The following KIF13A variants were observed in gnomAD, a reference collection of about 807,000 sequenced individuals.
KIF13A encodes the protein kinesin family member 13A.
Under a neutral mutation model 212.2 loss-of-function variants are expected in KIF13A, and 79 were observed. The observed-to-expected ratio is 0.37, with a 90% CI of 0.31 to 0.45. The LOEUF is 0.45. Among genes scored for constraint, KIF13A ranks in the 20% least tolerant of loss-of-function variants. The pLI, the probability that KIF13A is intolerant of heterozygous loss-of-function variation, is 1.00. For synonymous variants in KIF13A, 789 were observed against 808.6 expected (o/e 0.98, Z 0.41); for missense variants, 1,901 against 2,209.0 (o/e 0.86, Z 2.79).
intron 2 of KIF13A, among the ~76,000 whole-genome samples, chr6:17,944,148 A>G (rs1434100168): frequency 6.6e-6 from 1 of 152,194 alleles, no homozygotes; most frequent in Non-Finnish European, 1.5e-5. Context: ...CTGACATGTG[A>G]GCCTTACCGC....
In KIF13A at chr6:17,799,522, C is replaced by T. The variant is rs991713913; in HGVS notation, c.2617-83G>A. Reference sequence around the variant, plus strand: ...CAGCTACCTCAAATTTAAGAGTAAGCGATGAAACAAATTGGTCATCCATTT... The same window carrying T: ...CAGCTACCTCAAATTTAAGAGTAAGTGATGAAACAAATTGGTCATCCATTT... On this transcript the variant is annotated intron_variant, in intron 21 of 38. Coordinates refer to ENST00000259711, the MANE Select transcript of KIF13A (RefSeq NM_022113.6). The surrounding 1 kb of genome is among the most constrained non-coding windows in gnomAD (Gnocchi z 4.4). 10 of 1,163,364 alleles carry T rather than the reference C, an allele frequency of 8.6e-6. No homozygotes were observed. The East Asian group carries it at 1.0e-4, about 12-fold the overall frequency. The allele number at this position is 1,163,364 out of a possible 1,614,324, so 72.1% of individuals were successfully genotyped here.
rs1184545081 is a variant in KIF13A at position 17,883,830 on chromosome 6, T to A, written c.160-10393A>T. ...TGCTTGTGAGGCTGAGGTGGGAGGA[T>A]CACTTGAGCCTGGGAGTTTGAGGCT... On this transcript the variant is annotated intron_variant, in intron 3 of 38. Transcript: ENST00000259711. The surrounding 1 kb of genome is among the most constrained non-coding windows in gnomAD (Gnocchi z 4.8). Among the ~76,000 whole-genome samples the A allele has an allele frequency of 6.6e-6, 1 of 151,826 alleles. No individual in the cohort carries two copies. The highest frequency in any genetic ancestry group is 1.5e-5 in the Non-Finnish European group (1 of 67,956).
chr6:17,829,543 A>AT lies in KIF13A; in HGVS notation c.1402-1174dup, dbSNP rs761299691. ...AACACACTGCACCTGGCCTCATGTG[A>AT]TTTTAAGTACCTGAACCTCAGACAT... On this transcript the variant is annotated intron_variant, in intron 13 of 38. Coordinates refer to ENST00000259711, the MANE Select transcript of KIF13A (RefSeq NM_022113.6). This position sits in a 1 kb window ranked among gnomAD's most constrained non-coding sequence, Gnocchi z 5.4. 1.1e-4 allele frequency among the ~76,000 whole-genome samples: 17 copies of AT among 151,846 alleles called. No individual in the cohort carries two copies. The highest frequency in any genetic ancestry group is 1.3e-4 in the Non-Finnish European group (9 of 68,026).
At chr6:17,797,197 T>G (rs529487896) in intron 22 of KIF13A, among the ~76,000 whole-genome samples, 9 of 151,952 alleles carry the variant, frequency 5.9e-5, no homozygotes, top group Non-Finnish European at 1.2e-4. Context: ...GCCCGGCTAT[T>G]TTTTTGTATT....
At chr6:17,945,428 C>T (rs1252264164) in intron 2 of KIF13A, among the ~76,000 whole-genome samples, 4 of 151,660 alleles carry the variant, frequency 2.6e-5, no homozygotes, top group African/African-American at 9.7e-5. Flanking sequence ...GATCTAGGTC[C>T]GGAGTTTAAC....
rs969339057 is a variant in KIF13A, at chr6:17,961,888, T to C, written c.146+25166A>G. Among the ~76,000 whole-genome samples the C allele has an allele frequency of 6.6e-6, 1 of 152,196 alleles. No homozygotes were observed. Among genetic ancestry groups the C allele is most frequent in the African/African-American group, 2.4e-5 (1 of 41,454 alleles). On this transcript the variant is annotated intron_variant, in intron 2 of 38. Transcript: ENST00000259711. This position sits in a 1 kb window ranked among gnomAD's most constrained non-coding sequence, Gnocchi z 4.1. Reference sequence around the variant, plus strand: ...GTGCTTAGTGTTTGGTTGGCAACATTGTCTATTTTCCACATCTTAAAATTT... The same window carrying C: ...GTGCTTAGTGTTTGGTTGGCAACATCGTCTATTTTCCACATCTTAAAATTT...
Position 17,789,802 on chromosome 6 carries a change from C to G in KIF13A, c.3261+70G>C. The G allele has an allele frequency of 1.5e-6, 2 of 1,372,448 alleles. No homozygotes were observed. The highest frequency in any genetic ancestry group is 2.1e-6 in the Non-Finnish European group (2 of 967,948). 85.0% of individuals were successfully genotyped at this position (1,372,448 alleles called of 1,614,324 possible). On this transcript the variant is annotated intron_variant, in intron 26 of 38. Coordinates refer to ENST00000259711, the MANE Select transcript of KIF13A (RefSeq NM_022113.6). This position sits in a 1 kb window ranked among gnomAD's most constrained non-coding sequence, Gnocchi z 4.8. The stretch of plus-strand genomic sequence containing the variant: ...GGCCCTCCTTCCTCCTCCCTGGCCT[C>G]TGCTTTGCGAATGCTGGCAATTAGC...
At chr6:17,978,486 C>T (rs1035852909) in intron 2 of KIF13A, among the ~76,000 whole-genome samples, 1 of 152,170 alleles carries the variant, frequency 6.6e-6, no homozygotes, top group Non-Finnish European at 1.5e-5. Flanking sequence ...TTGTTGATAG[C>T]TCTGACATTA....
chr6:17,955,259 T>C (rs992197610), intron 2 of KIF13A, among the ~76,000 whole-genome samples: 49 of 152,224 alleles, frequency 3.2e-4, no homozygotes, highest in African/African-American at 1.1e-3. Flanking sequence ...ATCCTTCTAT[T>C]AGTAGCGAAG....
In KIF13A at chr6:17,808,902, T is replaced by C. The variant is rs1282088227; in HGVS notation, c.2029A>G (p.Lys677Glu). ...RDELFRQSLAKLREQLVKANT... is the reference protein window; with the variant it reads ...RDELFRQSLAELREQLVKANT... ...GCTTTAACCAGCTGCTCTCGCAGTT[T>C]TGCCAGGCTTTGTCGGAAGAGTTCA... Residue 677 changes from lysine to glutamate, a missense_variant, in exon 18 of 39, where the codon AAA (lysine) becomes GAA (glutamate). Around this residue, in one of 5 missense-constraint regions of KIF13A, gnomAD observed 534 missense variants for 536.9 expected, o/e 0.99. Transcript: ENST00000259711. 1 of 1,612,832 alleles carries C rather than the reference T, an allele frequency of 6.2e-7. No homozygotes were observed. The highest frequency in any genetic ancestry group is 2.2e-5 in the East Asian group (1 of 44,842).
intron 2 of KIF13A, 129 bp downstream of exon 2, chr6:17,986,925 C>G: frequency 1.6e-6 from 1 of 628,640 alleles, no homozygotes; most frequent in Admixed American, 2.5e-5. Context: ...CAGCTTCAAA[C>G]AGGAGCCGGC....
intron 3 of KIF13A, chr6:17,881,709 A>T (rs1771084020): frequency 3.0e-6 from 1 of 329,684 alleles, no homozygotes; most frequent in Middle Eastern, 1.1e-3. Context: ...AAAAAGCAGC[A>T]GCAATGGCCA....
intron 3 of KIF13A, among the ~76,000 whole-genome samples, chr6:17,896,685 C>T (rs191237082): frequency 2.0e-5 from 3 of 152,208 alleles, no homozygotes; most frequent in Non-Finnish European, 4.4e-5. Flanking sequence ...GGCTGGGAAC[C>T]ACTAGGCTAT....
At position 17,850,529 on chromosome 6, in the gene KIF13A, TATTA is replaced by T. The variant is rs1033765069; in HGVS notation, c.583-76_583-73del. The T allele has an allele frequency of 8.5e-6, 12 of 1,417,892 alleles. No individual in the cohort carries two copies. The African/African-American group carries it at 1.1e-4, about 13-fold the overall frequency. 87.8% of individuals were successfully genotyped at this position (1,417,892 alleles called of 1,614,324 possible). ...TGTAGTCCTGCACACCAGGTATATGTATTAATTATGATTCCTCTGATGCCTTTGT... is the reference window on the plus strand; with the variant it reads ...TGTAGTCCTGCACACCAGGTATATGTATTATGATTCCTCTGATGCCTTTGT... On this transcript the variant is annotated intron_variant, in intron 7 of 38. Coordinates refer to ENST00000259711, the MANE Select transcript of KIF13A (RefSeq NM_022113.6). This position sits in a 1 kb window ranked among gnomAD's most constrained non-coding sequence, Gnocchi z 6.2.
Position 17,855,734 on chromosome 6 carries a change from CT to C in KIF13A, c.314-118del. 1.2e-6 allele frequency: 1 copy of C among 806,148 alleles called. No homozygotes were observed. Among genetic ancestry groups the C allele is most frequent in the Non-Finnish European group, 1.9e-6 (1 of 517,258 alleles). 49.9% of individuals were successfully genotyped at this position (806,148 alleles called of 1,614,324 possible). A position where few individuals can be genotyped will look rare whatever the true frequency, so the allele number is the denominator to read the frequency against. On this transcript the variant is annotated intron_variant, in intron 5 of 38. Transcript: ENST00000259711. This position sits in a 1 kb window ranked among gnomAD's most constrained non-coding sequence, Gnocchi z 4.1. ...GGTAACATAGCAGAAGAGTGGCCAACTTAGCCTCAAACCCTGTTGCTCAGGC... is the reference window on the plus strand; with the variant it reads ...GGTAACATAGCAGAAGAGTGGCCAACTAGCCTCAAACCCTGTTGCTCAGGC...
chr6:17,909,127 T>C (rs767468888), intron 2 of KIF13A, among the ~76,000 whole-genome samples: 3 of 152,232 alleles, frequency 2.0e-5, no homozygotes, highest in Non-Finnish European at 2.9e-5. Context: ...ATAGTCCTCC[T>C]CAATTATACA....
Position 17,787,968 on chromosome 6 carries a change from A to T in KIF13A, c.3262-93T>A. ...TAAAAGATGTTTAAATCAACTAGGA[A>T]ATTTTTCATTAGGAAAAGCTGTTGA... On this transcript the variant is annotated intron_variant, in intron 26 of 38. Coordinates refer to ENST00000259711, the MANE Select transcript of KIF13A (RefSeq NM_022113.6). The surrounding 1 kb of genome is among the most constrained non-coding windows in gnomAD (Gnocchi z 4.6). 1.3e-6 allele frequency: 1 copy of T among 771,398 alleles called. No individual in the cohort carries two copies. The highest frequency in any genetic ancestry group is 2.2e-6 in the Non-Finnish European group (1 of 447,396). 47.8% of individuals were successfully genotyped at this position (771,398 alleles called of 1,614,324 possible). A position where few individuals can be genotyped will look rare whatever the true frequency, so the allele number is the denominator to read the frequency against.
chr6:17,838,320 C>CAAA lies in KIF13A; in HGVS notation c.831-740_831-738dup, dbSNP rs376475593. 7.8e-6 allele frequency among the ~76,000 whole-genome samples: 1 copy of CAAA among 127,976 alleles called. No individual in the cohort carries two copies. The highest frequency in any genetic ancestry group is 1.7e-5 in the Non-Finnish European group (1 of 59,546). The allele number at this position is 127,976 out of a possible 152,430, so 84.0% of individuals were successfully genotyped here. On this transcript the variant is annotated intron_variant, in intron 9 of 38. Coordinates refer to ENST00000259711, the MANE Select transcript of KIF13A (RefSeq NM_022113.6). This position sits in a 1 kb window ranked among gnomAD's most constrained non-coding sequence, Gnocchi z 4.2. ...TGGGCGACAGAGCAAGACTCCATCT[C>CAAA]AAAAAAAAAAAAAAGTTAAATGCTA...
At position 17,900,603 on chromosome 6, in the gene KIF13A, A is replaced by C. The variant is rs1772961645; in HGVS notation, c.147-2423T>G. ...ACTTACTCATCATTCATTTTAGAACAAGGACCCTTGCTACAGAAGGAAAAG... is the reference window on the plus strand; with the variant it reads ...ACTTACTCATCATTCATTTTAGAACCAGGACCCTTGCTACAGAAGGAAAAG... On this transcript the variant is annotated intron_variant, in intron 2 of 38. Coordinates refer to ENST00000259711, the MANE Select transcript of KIF13A (RefSeq NM_022113.6). The surrounding 1 kb of genome is among the most constrained non-coding windows in gnomAD (Gnocchi z 4.6). Among the ~76,000 whole-genome samples the C allele has an allele frequency of 6.6e-6, 1 of 152,188 alleles. No individual in the cohort carries two copies.
Sources: gnomAD v4.1 joint callset for allele counts (sites outside exome capture counted in the v4.1 genomes callset) on GRCh38, gnomAD v4.1.1 for gene constraint, gnomAD v4.1.1 regional missense constraint, Gnocchi (gnomAD v3.1) non-coding constraint, MANE v1.5 for transcripts, NCBI Gene and HGNC (gene_info 2026-07-23, HGNC 2026-07-21) for gene names.